FLRT1: variants seen among roughly 807,000 people sequenced by gnomAD.
FLRT1 encodes leucine-rich repeat transmembrane protein FLRT1.
A neutral mutation model predicts 30.9 loss-of-function variants in FLRT1; 14 were observed. The observed-to-expected ratio is 0.45, with a 90% CI of 0.30 to 0.71. The LOEUF (loss-of-function observed/expected upper bound fraction) is 0.71. Ranked by LOEUF, FLRT1 falls within the 30% of genes least tolerant of loss-of-function variation. The probability of loss-of-function intolerance (pLI) is 0.08; values close to 1 mark genes in which losing one functional copy is unlikely to be tolerated. For synonymous variants in FLRT1, 368 were observed against 430.4 expected (o/e 0.85, Z 1.80); for missense variants, 737 against 949.2 (o/e 0.78, Z 2.94).
chr11:64,051,898 C>T (rs1943702078), intron 1 of FLRT1, among the ~76,000 whole-genome samples: 1 of 151,950 alleles, frequency 6.6e-6, no homozygotes, highest in South Asian at 2.1e-4. Context: ...TTTCCTCTCT[C>T]GGGGGCTGCA....
chr11:64,094,126 G>A (rs890694135), intron 1 of FLRT1, among the ~76,000 whole-genome samples: 20 of 152,288 alleles, frequency 1.3e-4, no homozygotes, highest in East Asian at 5.8e-4. Context: ...GTGAAACCCC[G>A]ACTCTATTAA....
chr11:64,073,397 C>T (rs1253920183), intron 1 of FLRT1, among the ~76,000 whole-genome samples: 1 of 152,232 alleles, frequency 6.6e-6, no homozygotes, highest in Admixed American at 6.5e-5. Context: ...AGAGACCTGT[C>T]TTTGAACCCC....
chr11:64,116,373 T>C lies in FLRT1; in HGVS notation c.106T>C (p.Phe36Leu), dbSNP rs756055910. 4 of 1,612,960 alleles carry C rather than the reference T, an allele frequency of 2.5e-6. No homozygotes were observed. The highest frequency in any genetic ancestry group is 2.5e-6 in the Non-Finnish European group (3 of 1,179,816). Residue 36 changes from phenylalanine (F) to leucine (L), a missense_variant, in exon 3 of 3, where the codon TTC becomes CTC. Physicochemically the swap from Phe to Leu is conservative, Grantham distance 22. Transcript: ENST00000682287. The part of the protein sequence containing the change: ...TATMDLRDWL[F>L]LCYGLIAFLT... ...CACCATGGACCTGCGGGACTGGCTG[T>C]TCCTCTGCTACGGGCTCATCGCCTT...
chr11:64,094,057 G>T (rs749721112), intron 1 of FLRT1, among the ~76,000 whole-genome samples: 15 of 152,220 alleles, frequency 9.9e-5, no homozygotes, highest in Non-Finnish European at 1.9e-4. Context: ...AGCACTTTGG[G>T]AGGCCAAGCC....
intron 2 of FLRT1, among the ~76,000 whole-genome samples, chr11:64,105,462 G>A (rs1179015221): frequency 6.6e-6 from 1 of 152,224 alleles, no homozygotes; most frequent in Non-Finnish European, 1.5e-5. Flanking sequence ...CCTTGGACAG[G>A]TCTGCCCCTC....
At chr11:64,051,289 T>C (rs927041024) in intron 1 of FLRT1, among the ~76,000 whole-genome samples, 5 of 152,170 alleles carry the variant, frequency 3.3e-5, no homozygotes, top group African/African-American at 1.2e-4. Context: ...GGTCCCTCTT[T>C]TGAAGTAGCT....
chr11:64,077,655 G>T (rs2094672429), intron 1 of FLRT1, among the ~76,000 whole-genome samples: 1 of 152,142 alleles, frequency 6.6e-6, no homozygotes, highest in African/African-American at 2.4e-5. Flanking sequence ...AGAGGCACAT[G>T]CTGGCACACC....
intron 1 of FLRT1, among the ~76,000 whole-genome samples, chr11:64,099,681 GGGAT>G (rs1243312662): frequency 2.0e-5 from 3 of 151,456 alleles, no homozygotes; most frequent in Non-Finnish European, 4.4e-5. Flanking sequence ...GATTGATGGA[GGGAT>G]GGATGGATGA....
At chr11:64,045,341 T>C (rs1321755924) in intron 1 of FLRT1, among the ~76,000 whole-genome samples, 1 of 152,200 alleles carries the variant, frequency 6.6e-6, no homozygotes, top group Admixed American at 6.5e-5. Flanking sequence ...TTAAAAGCTT[T>C]TTCATTGTTC....
intron 1 of FLRT1, among the ~76,000 whole-genome samples, chr11:64,089,237 C>A (rs1944448229): frequency 6.6e-6 from 1 of 152,166 alleles, no homozygotes. Flanking sequence ...GAGGTGAGGG[C>A]CCCGGGCTCT....
chr11:64,066,341 G>A (rs1590861713), intron 1 of FLRT1, among the ~76,000 whole-genome samples: 1 of 151,288 alleles, frequency 6.6e-6, no homozygotes, highest in East Asian at 1.9e-4. Context: ...GCCAAGCATG[G>A]GTGGCTCACA....
chr11:64,042,807 G>T (rs923822743), intron 1 of FLRT1, among the ~76,000 whole-genome samples: 1 of 152,182 alleles, frequency 6.6e-6, no homozygotes, highest in South Asian at 2.1e-4. Context: ...ATGGCTCTGA[G>T]CCCTGAGACC....
chr11:64,084,778 C>T (rs934692003), intron 1 of FLRT1, among the ~76,000 whole-genome samples: 7 of 152,198 alleles, frequency 4.6e-5, no homozygotes, highest in Non-Finnish European at 7.3e-5. Context: ...CTCCCTCACC[C>T]GCCAGCCCAG....
chr11:64,111,892 G>A (rs915618243), intron 2 of FLRT1, among the ~76,000 whole-genome samples: 1 of 152,180 alleles, frequency 6.6e-6, no homozygotes, highest in Non-Finnish European at 1.5e-5. Flanking sequence ...ACAGGAGAGT[G>A]GGCATCTCCA....
intron 1 of FLRT1, among the ~76,000 whole-genome samples, chr11:64,097,759 G>A (rs906266484): frequency 2.0e-5 from 3 of 152,134 alleles, no homozygotes; most frequent in Non-Finnish European, 4.4e-5. Context: ...GCAGGGAATG[G>A]GGTGGGCCCA....
intron 1 of FLRT1, among the ~76,000 whole-genome samples, chr11:64,101,733 T>C (rs187914851): frequency 8.5e-4 from 130 of 152,288 alleles, no homozygotes; most frequent in African/African-American, 3.0e-3. Context: ...TCATCTTCCC[T>C]CCTGCGTAAG....
At chr11:64,089,125 C>T (rs1169569406) in intron 1 of FLRT1, among the ~76,000 whole-genome samples, 1 of 152,208 alleles carries the variant, frequency 6.6e-6, no homozygotes, top group Non-Finnish European at 1.5e-5. Context: ...AAGGCAGGAG[C>T]CCAGGAGCCC....
chr11:64,106,452 C>T (rs1293610551), intron 2 of FLRT1, among the ~76,000 whole-genome samples: 1 of 152,186 alleles, frequency 6.6e-6, no homozygotes, highest in Non-Finnish European at 1.5e-5. Flanking sequence ...AGGCACAAGG[C>T]AGACCATGTC....
Position 64,116,469 on chromosome 11 carries a change from A to G in FLRT1, c.202A>G (p.Asn68Asp). The G allele has an allele frequency of 6.2e-7, 1 of 1,614,014 alleles. No individual in the cohort carries two copies. Among genetic ancestry groups the G allele is most frequent in the Non-Finnish European group, 8.5e-7 (1 of 1,180,010 alleles). Reference protein sequence around the residue: ...CRCDNGFIYCNDRGLTSIPAD... With the variant: ...CRCDNGFIYCDDRGLTSIPAD... ...CTGCGACAACGGCTTCATCTACTGC[A>G]ACGACCGGGGACTCACATCCATCCC... is the stretch of plus-strand genomic sequence containing the variant. The change falls in exon 3 of 3, where the codon AAC becomes GAC. Residue 68 changes from asparagine to aspartate, a missense_variant. By Grantham distance (23) the Asn-to-Asp change is conservative. Transcript: ENST00000682287.
Sources: gnomAD v4.1 joint callset for allele counts (sites outside exome capture counted in the v4.1 genomes callset) on GRCh38, gnomAD v4.1.1 for gene constraint, MANE v1.5 for transcripts, NCBI Gene and HGNC (gene_info 2026-07-23, HGNC 2026-07-21) for gene names.